NARF: variants seen among roughly 807,000 people sequenced by gnomAD.
The protein encoded by NARF is iron-only hydrogenase-like protein 2.
A neutral mutation model predicts 48.0 loss-of-function variants in NARF; 41 were observed. That is an observed-to-expected ratio of 0.85 (90% CI 0.66 to 1.11). The LOEUF (loss-of-function observed/expected upper bound fraction) is 1.11, where lower values mean the gene tolerates loss of function less well. Ranked by LOEUF, NARF falls within the 50% of genes least tolerant of loss-of-function variation. The pLI is 0.00. For synonymous variants in NARF, 215 were observed against 225.5 expected, an observed-to-expected ratio of 0.95 and a Z score of 0.42; for missense variants, 613 against 590.2, an observed-to-expected ratio of 1.04 and a Z score of -0.40.
At chr17:82,464,107 C>T (rs1599818605) in intron 2 of NARF, 180 bp from the exon 3 acceptor site, 1 of 687,362 alleles carries the variant, frequency 1.5e-6, no homozygotes. Flanking sequence ...TGTCCCTTCA[C>T]CACCTTGAGC....
At chr17:82,460,266 AC>A in intron 2 of NARF, 194 bp downstream of exon 2, 1 of 454,186 alleles carries the variant, frequency 2.2e-6, no homozygotes, top group Non-Finnish European at 4.0e-6. Context: ...GGAGTTTGAG[AC>A]CAGCCTGGCC....
intron 5 of NARF, among the ~76,000 whole-genome samples, chr17:82,472,947 TA>T (rs1216157141): frequency 6.6e-6 from 1 of 151,060 alleles, no homozygotes; most frequent in African/African-American, 2.5e-5. Context: ...TTATTTTTAT[TA>T]TTTTTTTTTT....
rs1424476317 is a variant in NARF, at chr17:82,483,775, A to C, written c.829A>C (p.Thr277Pro). Residue 277 changes from threonine to proline, a missense_variant, in exon 8 of 11, where the codon ACT becomes CCT. Physicochemically the swap from Thr to Pro is conservative, Grantham distance 38 (BLOSUM62 -1). Transcript: ENST00000309794. ...CTCAGTGAGAGATGCTGCCGTCGAC[A>C]CTCTGTAAGTGGCTTCTCTGGGGAG... ...DLSVRDAAVD[T>P]LFGDLKEDKV... 2.5e-6 allele frequency: 4 copies of C among 1,613,426 alleles called. No individual in the cohort carries two copies. The highest frequency in any genetic ancestry group is 1.1e-5 in the South Asian group (1 of 91,044).
At position 82,489,921 on chromosome 17, in the gene NARF, G is replaced by A. The variant is rs1159484380; in HGVS notation, c.*1764G>A. ...CGGCTCACAGCAACCTCCGCCTCCT[G>A]GGTTCAAGCGATTCTCCTGCCTCAG... On this transcript the variant is annotated 3_prime_UTR_variant, in exon 11 of 11. Transcript: ENST00000309794. The A allele has an allele frequency of 6.6e-6, 1 of 152,060 alleles. No individual in the cohort carries two copies. The highest frequency in any genetic ancestry group is 1.5e-5 in the Non-Finnish European group (1 of 68,070). The allele number at this position is 152,060 out of a possible 1,614,324, so 9.4% of individuals were successfully genotyped here.
rs372223884 is a variant in NARF at position 82,465,662 on chromosome 17, C to T, written c.252+1232C>T. Among the ~76,000 whole-genome samples, 9 of 152,198 alleles carry T rather than the reference C, an allele frequency of 5.9e-5. No individual in the cohort carries two copies. The East Asian group carries it at 1.7e-3, about 29-fold the overall frequency. ...CAGTGGGGAGACTCTGGTGATCCTC[C>T]CACCTCTGGAGGCTCCCTGTAGCCT... is the stretch of plus-strand genomic sequence containing the variant. On this transcript the variant is annotated intron_variant, in intron 3 of 10. Transcript: ENST00000309794.
At chr17:82,484,553 C>G (rs1344233946) in intron 8 of NARF, 1 of 354,374 alleles carries the variant, frequency 2.8e-6, no homozygotes, top group Non-Finnish European at 5.1e-6. Flanking sequence ...AGACCATAAG[C>G]ATCTGGAGCA....
chr17:82,483,779 T>C lies in NARF; in HGVS notation c.833T>C (p.Leu278Pro). ...LSVRDAAVDT[L>P]FGDLKEDKVT... Reference sequence around the variant, plus strand: ...GTGAGAGATGCTGCCGTCGACACTCTGTAAGTGGCTTCTCTGGGGAGAGTC... The same window carrying C: ...GTGAGAGATGCTGCCGTCGACACTCCGTAAGTGGCTTCTCTGGGGAGAGTC... Residue 278 changes from leucine (L) to proline (P), a missense_variant and splice_region_variant, in exon 8 of 11, where the codon CTG becomes CCG. Coordinates refer to ENST00000309794, the MANE Select transcript of NARF (RefSeq NM_012336.4). 6.2e-7 allele frequency: 1 copy of C among 1,613,506 alleles called. No individual in the cohort carries two copies. The highest frequency in any genetic ancestry group is 8.5e-7 in the Non-Finnish European group (1 of 1,179,928).
intron 8 of NARF, 118 bp from the exon 9 acceptor site, chr17:82,484,695 G>A (rs906030248): frequency 1.5e-6 from 2 of 1,311,040 alleles, no homozygotes; most frequent in African/African-American, 3.0e-5. Context: ...ATCTGTACAG[G>A]ATTTAGCTTC....
Position 82,464,348 on chromosome 17 carries a change from A to G in NARF, c.170A>G (p.Asp57Gly). ...KIFLSDCLAC[D>G]SCMTAEEGVQ... Reference sequence around the variant, plus strand: ...TTTTTGAGCGACTGCCTGGCATGTGACAGCTGTATGACTGCAGAGGAAGGA... The same window carrying G: ...TTTTTGAGCGACTGCCTGGCATGTGGCAGCTGTATGACTGCAGAGGAAGGA... The change falls in exon 3 of 11, where the codon GAC (aspartate) becomes GGC (glycine). Residue 57 changes from aspartate (D) to glycine (G), a missense_variant. Coordinates refer to ENST00000309794, the MANE Select transcript of NARF (RefSeq NM_012336.4). 1 of 1,614,156 alleles carries G rather than the reference A, an allele frequency of 6.2e-7. No individual in the cohort carries two copies. The highest frequency in any genetic ancestry group is 8.5e-7 in the Non-Finnish European group (1 of 1,179,990).
chr17:82,464,412 C>T lies in NARF; in HGVS notation c.234C>T (p.Arg78=), dbSNP rs369812981. The change falls in exon 3 of 11, where the codon CGC becomes CGT. Residue 78 remains arginine, a synonymous_variant. Transcript: ENST00000309794. The part of the protein sequence containing the change: ...LSQQNAKDFF[R]VLNLNKKCDT... ...AGCAAAATGCCAAGGACTTCTTCCG[C>T]GTTCTGAACCTTAACAAGGTAAGGC... 3.8e-5 allele frequency: 62 copies of T among 1,613,130 alleles called. No individual in the cohort carries two copies. The highest frequency in any genetic ancestry group is 5.0e-5 in the Non-Finnish European group (59 of 1,179,516).
At chr17:82,486,841 C>G (rs2044106254) in intron 10 of NARF, among the ~76,000 whole-genome samples, 1 of 152,192 alleles carries the variant, frequency 6.6e-6, no homozygotes, top group South Asian at 2.1e-4. Context: ...TAAATGAACT[C>G]TTACACTACT....
chr17:82,458,745 C>T lies in NARF; in HGVS notation c.-59C>T, dbSNP rs939628958. The T allele has an allele frequency of 4.7e-5, 69 of 1,474,442 alleles. No individual in the cohort carries two copies. In the African/African-American group the frequency reaches 8.5e-4, roughly 18 times the overall value. 91.3% of individuals were successfully genotyped at this position (1,474,442 alleles called of 1,614,324 possible). A position where few individuals can be genotyped will look rare whatever the true frequency, so the allele number is the denominator to read the frequency against. ...CCGCGGGCGGCGGGCAGTGGTGTCC[C>T]AGTCTCCCGGTGCTTCCCTGAGGCT... is the stretch of plus-strand genomic sequence containing the variant. On this transcript the variant is annotated 5_prime_UTR_variant, in exon 1 of 11. Coordinates refer to ENST00000309794, the MANE Select transcript of NARF (RefSeq NM_012336.4).
At chr17:82,476,088 A>G (rs1013166076) in intron 5 of NARF, among the ~76,000 whole-genome samples, 1 of 150,908 alleles carries the variant, frequency 6.6e-6, no homozygotes, top group South Asian at 2.1e-4. Context: ...GCCCACTGCA[A>G]CCTCCATCCC....
At chr17:82,465,376 C>T (rs529731252) in intron 3 of NARF, among the ~76,000 whole-genome samples, 1 of 152,278 alleles carries the variant, frequency 6.6e-6, no homozygotes, top group African/African-American at 2.4e-5. Flanking sequence ...ATGCTGTCAC[C>T]TCCACGGGAA....
intron 1 of NARF, chr17:82,459,268 TC>T: frequency 1.2e-6 from 1 of 845,152 alleles, no homozygotes; most frequent in Non-Finnish European, 1.4e-6. Context: ...TCCGCGGTTG[TC>T]TCCAGGCCAT....
upstream of NARF, chr17:82,458,556 TG>T: frequency 2.2e-6 from 1 of 450,758 alleles, no homozygotes; most frequent in Non-Finnish European, 3.7e-6. Flanking sequence ...CGATTGGCTC[TG>T]GGGCCTGGCC....
intron 4 of NARF, among the ~76,000 whole-genome samples, chr17:82,471,156 T>A (rs1295618998): frequency 1.4e-5 from 2 of 139,900 alleles, no homozygotes; most frequent in East Asian, 2.1e-4. Flanking sequence ...AGAGCATGAC[T>A]GTCTGAAAAA....
In NARF at chr17:82,489,062, A is replaced by G. The variant is rs192832904; in HGVS notation, c.*905A>G. ...CCTTTTAGAATCAGGAGACTTACGT[A>G]CAAATCTGGATTTTCAGCTTTTCTT... On this transcript the variant is annotated 3_prime_UTR_variant, in exon 11 of 11. Coordinates refer to ENST00000309794, the MANE Select transcript of NARF (RefSeq NM_012336.4). The G allele has an allele frequency of 1.0e-3, 157 of 153,376 alleles. No individual in the cohort carries two copies. The highest frequency in any genetic ancestry group is 3.7e-3 in the South Asian group (19 of 5,204). The allele number at this position is 153,376 out of a possible 1,614,324, so 9.5% of individuals were successfully genotyped here.
intron 5 of NARF, chr17:82,477,835 C>T (rs560215395): frequency 7.2e-5 from 11 of 152,412 alleles, no homozygotes; most frequent in African/African-American, 2.6e-4. Flanking sequence ...CTCTCTGTGG[C>T]TGCTTCTGTG....
Sources: gnomAD v4.1 joint callset for allele counts (sites outside exome capture counted in the v4.1 genomes callset) on GRCh38, gnomAD v4.1.1 for gene constraint, MANE v1.5 for transcripts, NCBI Gene and HGNC (gene_info 2026-07-23, HGNC 2026-07-21) for gene names.